PLS3: variants seen among roughly 807,000 people sequenced by gnomAD.
PLS3 encodes the protein plastin-3.
A neutral mutation model predicts 46.5 loss-of-function variants in PLS3; 11 were observed. The observed-to-expected ratio is 0.24, with a 90% confidence interval of 0.15 to 0.39. The LOEUF (loss-of-function observed/expected upper bound fraction) is 0.39, where lower values mean the gene tolerates loss of function less well. Among genes scored for constraint, PLS3 ranks in the 10% least tolerant of loss-of-function variants. The pLI, the probability that PLS3 is intolerant of heterozygous loss-of-function variation, is 1.00. For synonymous variants in PLS3, 167 were observed against 162.2 expected, an observed-to-expected ratio of 1.03 and a Z score of -0.22; for missense variants, 308 against 461.8, an observed-to-expected ratio of 0.67 and a Z score of 3.05.
intron 2 of PLS3, 30 bp from the exon 3 acceptor site, chrX:115,622,216 C>A (rs375399996): frequency 2.0e-5 from 23 of 1,163,168 alleles, no homozygotes; most frequent in South Asian, 2.0e-5. Flanking sequence ...ATTTTTTTTC[C>A]TTTTTTGCTT....
chrX:115,637,587 G>A (rs1158703160), intron 8 of PLS3, among the ~76,000 whole-genome samples: 3 of 111,501 alleles, frequency 2.7e-5, no homozygotes, highest in Non-Finnish European at 5.6e-5. Context: ...AGCAGTGGGG[G>A]AAAACTAACA....
At chrX:115,594,047 CA>C (rs1303831026) in intron 1 of PLS3, among the ~76,000 whole-genome samples, 1 of 111,165 alleles carries the variant, frequency 9.0e-6, no homozygotes, top group East Asian at 2.8e-4. Flanking sequence ...CATGGTTTTT[CA>C]AAATTCTGTA....
intron 14 of PLS3, 96 bp downstream of exon 14, chrX:115,647,769 G>A (rs1292259821): frequency 9.0e-7 from 1 of 1,116,562 alleles, no homozygotes; most frequent in African/African-American, 1.8e-5. Context: ...GTGAGAATTA[G>A]TGTTGGGCTA....
chrX:115,587,356 C>A (rs916260939), intron 1 of PLS3, among the ~76,000 whole-genome samples: 6 of 112,459 alleles, frequency 5.3e-5, no homozygotes, highest in Non-Finnish European at 5.6e-5. Flanking sequence ...AGTATTTCTG[C>A]TGCATATGGA....
intron 1 of PLS3, among the ~76,000 whole-genome samples, chrX:115,591,596 A>G (rs1424735457): frequency 8.9e-6 from 1 of 112,021 alleles, no homozygotes; most frequent in Non-Finnish European, 1.9e-5. Context: ...GTGGCTGAAG[A>G]AAAGGTAAGG....
chrX:115,570,894 CTTT>C (rs369920378), intron 1 of PLS3, among the ~76,000 whole-genome samples: 29 of 84,293 alleles, frequency 3.4e-4, no homozygotes, highest in African/African-American at 1.4e-3. Context: ...TTAATTTATT[CTTT>C]TTTTTTTTTT....
intron 3 of PLS3, among the ~76,000 whole-genome samples, chrX:115,626,706 A>G (rs1168429766): frequency 2.7e-5 from 3 of 111,217 alleles, no homozygotes; most frequent in Non-Finnish European, 5.6e-5. Flanking sequence ...CTTTTGCAAG[A>G]CCTTTGAAAA....
chrX:115,575,864 G>A (rs2074245640), intron 1 of PLS3, among the ~76,000 whole-genome samples: 1 of 111,906 alleles, frequency 8.9e-6, no homozygotes, highest in African/African-American at 3.2e-5. Flanking sequence ...GCCTGTAAAT[G>A]CTGTATAATC....
chrX:115,566,366 CTT>C (rs2074172196), intron 1 of PLS3, among the ~76,000 whole-genome samples: 1 of 111,529 alleles, frequency 9.0e-6, no homozygotes, highest in Non-Finnish European at 1.9e-5. Context: ...ATACTTTCTT[CTT>C]CTTCTTTTGT....
At chrX:115,639,822 A>G (rs1328281708) in intron 8 of PLS3, 1 of 410,512 alleles carries the variant, frequency 2.4e-6, no homozygotes, top group East Asian at 5.5e-5. Context: ...ACAACATTCA[A>G]GTGATTTAGT....
intron 2 of PLS3, among the ~76,000 whole-genome samples, chrX:115,620,257 T>G (rs1235842985): frequency 9.0e-6 from 1 of 110,892 alleles, no homozygotes; most frequent in East Asian, 2.8e-4. Context: ...CCAAGTCATA[T>G]TGGATCTTTA....
chrX:115,645,236 C>T (rs1173439889), intron 11 of PLS3, 137 bp downstream of exon 11: 3 of 468,366 alleles, frequency 6.4e-6, no homozygotes, highest in Non-Finnish European at 1.1e-5. Flanking sequence ...TGATTTCCAT[C>T]ATCATTTTCC....
intron 1 of PLS3, among the ~76,000 whole-genome samples, chrX:115,599,336 CAAAAAA>C (rs1226830291): frequency 3.1e-5 from 1 of 32,423 alleles, no homozygotes; most frequent in African/African-American, 9.9e-5. Context: ...CCTGTCTCTA[CAAAAAA>C]AAAAAAAAAA....
At chrX:115,638,529 G>C (rs782165707) in intron 8 of PLS3, among the ~76,000 whole-genome samples, 1 of 111,270 alleles carries the variant, frequency 9.0e-6, no homozygotes, top group African/African-American at 3.3e-5. Context: ...ACAGGCATGA[G>C]CCATGGTACC....
rs4991873 is a variant in PLS3, at chrX:115,645,753, C to A, written c.1263-319C>A. On this transcript the variant is annotated intron_variant, in intron 11 of 15. Coordinates refer to ENST00000355899, the MANE Select transcript of PLS3 (RefSeq NM_005032.7). ...AATTGTTTGTTTATTGTCAACAAAC[C>A]AATACCCCCCGTATTGTTTGTTTAT... is the stretch of plus-strand genomic sequence containing the variant. 0.15 allele frequency among the ~76,000 whole-genome samples: 16,222 copies of A among 110,721 alleles called. 2,011 individuals are homozygous for A. The highest frequency in any genetic ancestry group is 0.42 in the African/African-American group (12,616 of 30,262).
intron 5 of PLS3, among the ~76,000 whole-genome samples, chrX:115,631,824 G>A (rs2074779071): frequency 9.0e-6 from 1 of 111,442 alleles, no homozygotes; most frequent in Admixed American, 9.6e-5. Flanking sequence ...TTGTTTTTGA[G>A]ATGGAGCCTT....
In PLS3 at chrX:115,650,177, T is replaced by C. The variant is rs782736127; in HGVS notation, c.*616T>C. On this transcript the variant is annotated 3_prime_UTR_variant, in exon 16 of 16. Coordinates refer to ENST00000355899, the MANE Select transcript of PLS3 (RefSeq NM_005032.7). ...TGTACATTTAAGAATATTTTGATTATATTAAACAAGACTGCTGATTTTGCT... is the reference window on the plus strand; with the variant it reads ...TGTACATTTAAGAATATTTTGATTACATTAAACAAGACTGCTGATTTTGCT... 8.9e-6 allele frequency: 1 copy of C among 112,233 alleles called. No individual in the cohort carries two copies. The highest frequency in any genetic ancestry group is 3.7e-4 in the South Asian group (1 of 2,692). 9.2% of individuals were successfully genotyped at this position (112,233 alleles called of 1,213,427 possible).
chrX:115,594,668 TCACACACA>T (rs1212047902), intron 1 of PLS3, among the ~76,000 whole-genome samples: 1 of 98,006 alleles, frequency 1.0e-5, no homozygotes, highest in Non-Finnish European at 2.0e-5. Context: ...TCTCTCTCTC[TCACACACA>T]CACACACACA....
chrX:115,650,756 T>C lies in PLS3; in HGVS notation c.*1195T>C, dbSNP rs1367681123. The C allele has an allele frequency of 8.9e-6, 1 of 112,272 alleles. No individual in the cohort carries two copies. The highest frequency in any genetic ancestry group is 1.9e-5 in the Non-Finnish European group (1 of 53,255). 9.3% of individuals were successfully genotyped at this position (112,272 alleles called of 1,213,427 possible). The stretch of plus-strand genomic sequence containing the variant: ...TTTTCTTTTTGTTTTTCTGATGTAT[T>C]CTGTAAAATGGTGTTTGTTAAATTT... On this transcript the variant is annotated 3_prime_UTR_variant, in exon 16 of 16. Coordinates refer to ENST00000355899, the MANE Select transcript of PLS3 (RefSeq NM_005032.7).
Sources: allele counts gnomAD v4.1 joint callset (sites outside exome capture counted in the v4.1 genomes callset), GRCh38; gene constraint gnomAD v4.1.1; transcripts MANE v1.5; gene names NCBI Gene and HGNC (gene_info 2026-07-23, HGNC 2026-07-21).